The following ADCY3 variants were observed in gnomAD, a reference collection of about 807,000 sequenced individuals.
ADCY3 encodes the protein adenylate cyclase 3.
In ADCY3, 70 loss-of-function variants were observed where a neutral mutation model predicts 119.4. The ratio of observed to expected loss-of-function variants is 0.59; its 90% CI spans 0.48 to 0.72. ADCY3 has a LOEUF of 0.72. Ranked by LOEUF, ADCY3 falls within the 30% of genes least tolerant of loss-of-function variation. The probability of loss-of-function intolerance (pLI) is 0.00; values close to 1 mark genes in which losing one functional copy is unlikely to be tolerated. For missense variants in ADCY3, 1,238 were observed against 1,541.6 expected (o/e 0.80, Z 3.30); for synonymous variants, 672 against 621.4 (o/e 1.08, Z -1.21).
chr2:24,827,196 A>G (rs1337512247), intron 15 of ADCY3, among the ~76,000 whole-genome samples: 1 of 152,164 alleles, frequency 6.6e-6, no homozygotes, highest in Non-Finnish European at 1.5e-5. Flanking sequence ...CAAGAGATGA[A>G]ATTGCAACTC....
At chr2:24,875,615 C>T (rs1028039251) in intron 2 of ADCY3, among the ~76,000 whole-genome samples, 1 of 152,192 alleles carries the variant, frequency 6.6e-6, no homozygotes, top group Non-Finnish European at 1.5e-5. Flanking sequence ...CGACGGGAGG[C>T]GAGGGTGGCA....
chr2:24,838,714 C>T lies in ADCY3; in HGVS notation c.1356-92G>A, dbSNP rs1670619875. 7 of 1,589,132 alleles carry T rather than the reference C, an allele frequency of 4.4e-6. 1 individual carries two copies. The African/African-American group carries it at 5.4e-5, about 12-fold the overall frequency. On this transcript the variant is annotated intron_variant, in intron 7 of 21. Transcript: ENST00000679454. The stretch of plus-strand genomic sequence containing the variant: ...CCACGGACCACGGCTGCACCGGCTG[C>T]TGCTCGGCCCCGTGTCTCTCGGGCA...
At chr2:24,850,468 G>T (rs934011670) in intron 3 of ADCY3, among the ~76,000 whole-genome samples, 1 of 152,200 alleles carries the variant, frequency 6.6e-6, no homozygotes, top group African/African-American at 2.4e-5. Context: ...CAGGAGTGCA[G>T]GGGAGAGAGG....
At chr2:24,860,083 C>T (rs763056236) in intron 3 of ADCY3, among the ~76,000 whole-genome samples, 44 of 152,234 alleles carry the variant, frequency 2.9e-4, no homozygotes, top group Admixed American at 1.3e-3. Context: ...ATCCCTCCAT[C>T]TTCCCACATC....
chr2:24,908,418 C>T (rs6545813), intron 2 of ADCY3, among the ~76,000 whole-genome samples: 79,432 of 152,100 alleles, frequency 0.52, 22,921 homozygotes, highest in African/African-American at 0.78. Context: ...TAATTTGAAA[C>T]ATTCTTAACA....
chr2:24,843,439 C>T (rs1431297840), intron 3 of ADCY3, among the ~76,000 whole-genome samples: 1 of 152,182 alleles, frequency 6.6e-6, no homozygotes, highest in East Asian at 1.9e-4. Flanking sequence ...TGCCATGTTG[C>T]CCAAGCTGGT....
chr2:24,855,817 G>C (rs996874694), intron 3 of ADCY3, among the ~76,000 whole-genome samples: 1 of 152,200 alleles, frequency 6.6e-6, no homozygotes, highest in African/African-American at 2.4e-5. Flanking sequence ...GCTGAGAGCA[G>C]ATGTGTTGAG....
At chr2:24,906,219 A>C (rs1679428546) in intron 2 of ADCY3, among the ~76,000 whole-genome samples, 1 of 152,066 alleles carries the variant, frequency 6.6e-6, no homozygotes, top group Non-Finnish European at 1.5e-5. Flanking sequence ...AAGCAGGAGA[A>C]TCTCTTCAGC....
chr2:24,900,979 C>A (rs574559682), intron 2 of ADCY3, among the ~76,000 whole-genome samples: 1 of 152,244 alleles, frequency 6.6e-6, no homozygotes, highest in South Asian at 2.1e-4. Context: ...GCAGGAGAAT[C>A]GCTTGAACTC....
intron 3 of ADCY3, among the ~76,000 whole-genome samples, chr2:24,847,215 T>C (rs562485193): frequency 6.6e-6 from 1 of 152,344 alleles, no homozygotes; most frequent in East Asian, 1.9e-4. Context: ...CAAGGTCTGA[T>C]GGGTTTATTA....
At chr2:24,824,047 G>A (rs1452283839) in intron 17 of ADCY3, among the ~76,000 whole-genome samples, 1 of 152,208 alleles carries the variant, frequency 6.6e-6, no homozygotes, top group East Asian at 1.9e-4. Flanking sequence ...AACAGCCCCA[G>A]CTGTGAAGAC....
chr2:24,823,481 A>C, intron 17 of ADCY3, 126 bp from the exon 18 acceptor site: 1 of 854,724 alleles, frequency 1.2e-6, no homozygotes, highest in Non-Finnish European at 1.7e-6. Flanking sequence ...CATCAGTCAG[A>C]TTATTCCAGC....
chr2:24,827,313 C>A (rs1287646141), intron 15 of ADCY3, among the ~76,000 whole-genome samples: 1 of 152,226 alleles, frequency 6.6e-6, no homozygotes, highest in South Asian at 2.1e-4. Flanking sequence ...TTCCTGCTGC[C>A]TGTCTGTCCT....
intron 3 of ADCY3, among the ~76,000 whole-genome samples, chr2:24,853,045 TGTGTGTGTGTGTGTGTGTGTGTAG>T (rs1022111227): frequency 7.5e-6 from 1 of 132,838 alleles, no homozygotes; most frequent in African/African-American, 2.7e-5. Context: ...TGTGTGTGTG[TGTGTGTGTGTGTGTGTGTGTGTAG>T]GGGTGTTATT....
chr2:24,834,092 A>G lies in ADCY3; in HGVS notation c.1967+393T>C, dbSNP rs571191645. Among the ~76,000 whole-genome samples the G allele has an allele frequency of 4.7e-4, 72 of 152,302 alleles. No homozygotes were observed. Among genetic ancestry groups the G allele is most frequent in the African/African-American group, 1.6e-3 (68 of 41,568 alleles). ...AGTCTGTGCCCACAGCCTAAAATCT[A>G]TCTTTACCAAGATGAGCCAAGAGAG... On this transcript the variant is annotated intron_variant, in intron 11 of 21. Transcript: ENST00000679454. This position sits in a 1 kb window ranked among gnomAD's most constrained non-coding sequence, Gnocchi z 4.2.
intron 12 of ADCY3, among the ~76,000 whole-genome samples, 159 bp from the exon 13 acceptor site, chr2:24,830,984 G>C (rs1234720458): frequency 6.6e-6 from 1 of 152,202 alleles, no homozygotes; most frequent in African/African-American, 2.4e-5. Context: ...GGGCAGAGCT[G>C]AGAAGAGGGC....
In ADCY3 at chr2:24,834,852, C is replaced by T. The variant is rs1180904847; in HGVS notation, c.1747G>A (p.Glu583Lys). The T allele has an allele frequency of 6.2e-7, 1 of 1,613,948 alleles. No individual in the cohort carries two copies. The highest frequency in any genetic ancestry group is 2.2e-5 in the East Asian group (1 of 44,868). Residue 583 changes from glutamate (E) to lysine (K), a missense_variant, in exon 10 of 22, where the codon GAG becomes AAG. This residue lies in a region of ADCY3 where 499 missense variants were observed against 571.0 expected (regional missense o/e 0.87). Transcript: ENST00000679454. This position sits in a 1 kb window ranked among gnomAD's most constrained non-coding sequence, Gnocchi z 4.2. ...TTGAGCAGCTGGTTGAGCTCGTGCT[C>T]ATCTTCAGAGGCATCCACCACTCGG... ...ADRVVDASED[E>K]HELNQLLNEA...
At chr2:24,839,774 C>G in intron 7 of ADCY3, 99 bp downstream of exon 7, 1 of 1,532,122 alleles carries the variant, frequency 6.5e-7, no homozygotes, top group Admixed American at 1.7e-5. Context: ...GAGGCCTTCT[C>G]TGAGGCCCCC....
chr2:24,875,860 T>TTC (rs1253754064), intron 2 of ADCY3, among the ~76,000 whole-genome samples: 3 of 152,192 alleles, frequency 2.0e-5, no homozygotes, highest in Non-Finnish European at 4.4e-5. Flanking sequence ...AACTAGAGGG[T>TTC]GAGATCTCCT....
Sources: gnomAD v4.1 joint callset for allele counts (sites outside exome capture counted in the v4.1 genomes callset) on GRCh38, gnomAD v4.1.1 for gene constraint, gnomAD v4.1.1 regional missense constraint, Gnocchi (gnomAD v3.1) non-coding constraint, MANE v1.5 for transcripts, NCBI Gene and HGNC (gene_info 2026-07-23, HGNC 2026-07-21) for gene names.